The following ASIP variants were observed in gnomAD, a reference collection of about 807,000 sequenced individuals.
ASIP encodes agouti-signaling protein.
A neutral mutation model predicts 10.3 loss-of-function variants in ASIP; 11 were observed. The ratio of observed to expected loss-of-function variants is 1.07; its 90% CI spans 0.68 to 1.78. The LOEUF is 1.78. ASIP is among the 40% of genes most tolerant of loss of function. The pLI is 0.00. For missense variants in ASIP, 180 were observed against 169.2 expected (o/e 1.06, Z -0.35); for synonymous variants, 70 against 70.8 (o/e 0.99, Z 0.06).
rs36093428 is a variant in ASIP, at chr20:34,269,032, C to T, written c.264C>T (p.Pro88=). The change falls in exon 4 of 4, where the codon CCC becomes CCT. Residue 88 remains proline (P), a synonymous_variant. Transcript: ENST00000374954. ...AGAAAGTGGTGCGGCCCCGGACCCC[C>T]CTATCTGCGCCCTGCGTGGCCACCC... The part of the protein sequence containing the change: ...SMKKVVRPRT[P]LSAPCVATRN... 3.7e-6 allele frequency: 6 copies of T among 1,607,512 alleles called. No individual in the cohort carries two copies. Among genetic ancestry groups the T allele is most frequent in the African/African-American group, 2.7e-5 (2 of 74,918 alleles).
chr20:34,236,961 A>C (rs2035219170), upstream of ASIP, among the ~76,000 whole-genome samples: 1 of 152,044 alleles, frequency 6.6e-6, no homozygotes. Flanking sequence ...GTTGAAAAAA[A>C]CTCTTATTTC....
upstream of ASIP, among the ~76,000 whole-genome samples, chr20:34,239,044 AT>A (rs1267551480): frequency 1.3e-5 from 2 of 152,094 alleles, no homozygotes; most frequent in East Asian, 3.9e-4. Context: ...CTGGCTAATT[AT>A]TTCTAAGGGA....
At chr20:34,258,700 A>ATATATATATATACACACACACACATAC in intron 1 of ASIP, among the ~76,000 whole-genome samples, 1 of 77,922 alleles carries the variant, frequency 1.3e-5, no homozygotes, top group East Asian at 5.2e-4. Flanking sequence ...TACATACTAT[A>ATATATATATATACACACACACACATAC]TATATATATT....
chr20:34,242,296 G>C (rs2035296457), intron 1 of ASIP, among the ~76,000 whole-genome samples: 1 of 152,020 alleles, frequency 6.6e-6, no homozygotes, highest in African/African-American at 2.4e-5. Flanking sequence ...GCAATGGCAT[G>C]ATCTTGGCTC....
At chr20:34,199,944 A>C (rs2034882076) in intron 1 of ASIP, among the ~76,000 whole-genome samples, 1 of 152,184 alleles carries the variant, frequency 6.6e-6, no homozygotes. Context: ...AACTGTATCC[A>C]AGGCAAGAGC....
At chr20:34,268,358 G>A (rs2035824737) in intron 3 of ASIP, among the ~76,000 whole-genome samples, 1 of 152,142 alleles carries the variant, frequency 6.6e-6, no homozygotes, top group African/African-American at 2.4e-5. Context: ...ACAGGGGTCG[G>A]AGAGGCAAGC....
intron 1 of ASIP, among the ~76,000 whole-genome samples, chr20:34,249,731 A>G (rs1257419807): frequency 6.6e-6 from 1 of 152,142 alleles, no homozygotes; most frequent in Non-Finnish European, 1.5e-5. Context: ...TCTTCCCTGC[A>G]CTGAAAGCCA....
intron 3 of ASIP, among the ~76,000 whole-genome samples, chr20:34,266,825 C>T (rs1472684623): frequency 6.6e-6 from 1 of 152,210 alleles, no homozygotes; most frequent in Non-Finnish European, 1.5e-5. Context: ...TTAACATTCA[C>T]GTACCACCTA....
At chr20:34,258,696 CT>C (rs55869463) in intron 1 of ASIP, among the ~76,000 whole-genome samples, 2 of 11,652 alleles carry the variant, frequency 1.7e-4, no homozygotes, top group Non-Finnish European at 4.6e-4. Context: ...TATATACATA[CT>C]ATATATATAT....
chr20:34,232,344 A>C (rs1044337130), intron 1 of ASIP, among the ~76,000 whole-genome samples: 5 of 152,162 alleles, frequency 3.3e-5, no homozygotes, highest in African/African-American at 9.7e-5. Flanking sequence ...TCTCAACAGC[A>C]TCCACCGTCA....
At chr20:34,231,866 A>G (rs768990037) in intron 1 of ASIP, among the ~76,000 whole-genome samples, 1 of 152,260 alleles carries the variant, frequency 6.6e-6, no homozygotes, top group Non-Finnish European at 1.5e-5. Context: ...TGGCAAGGAC[A>G]TTGAGTAATG....
chr20:34,194,014 G>T (rs567752465), upstream of ASIP, among the ~76,000 whole-genome samples: 1 of 152,222 alleles, frequency 6.6e-6, no homozygotes, highest in South Asian at 2.1e-4. Context: ...GAAGAAAAAA[G>T]AAAAACAGAT....
chr20:34,205,563 G>C (rs953588929), intron 1 of ASIP, among the ~76,000 whole-genome samples: 3 of 150,670 alleles, frequency 2.0e-5, no homozygotes, highest in Non-Finnish European at 4.4e-5. Flanking sequence ...CAGCGTGGAA[G>C]GGGACCCAAA....
intron 3 of ASIP, among the ~76,000 whole-genome samples, chr20:34,264,055 G>GA (rs566760726): frequency 2.0e-5 from 3 of 151,328 alleles, no homozygotes; most frequent in East Asian, 1.9e-4. Context: ...TTTAAAAAAT[G>GA]AAAAAAAAGT....
intron 1 of ASIP, among the ~76,000 whole-genome samples, chr20:34,213,128 T>C (rs916554327): frequency 4.6e-5 from 7 of 152,232 alleles, no homozygotes; most frequent in African/African-American, 1.7e-4. Context: ...GACCTAATGC[T>C]GCTATCATTA....
chr20:34,223,342 C>T (rs1488202306), intron 1 of ASIP, among the ~76,000 whole-genome samples: 1 of 148,352 alleles, frequency 6.7e-6, no homozygotes, highest in South Asian at 2.2e-4. Flanking sequence ...AGGTGAGGAG[C>T]GTCTCTGCCC....
chr20:34,189,485 G>T, the ASIP span, among the ~76,000 whole-genome samples: 2,161 of 151,776 alleles, frequency 0.014, 50 homozygotes, highest in African/African-American at 0.05. Context: ...CATGTGATCC[G>T]CCCACCTCGG....
intron 1 of ASIP, among the ~76,000 whole-genome samples, chr20:34,256,207 T>C (rs541920159): frequency 6.6e-6 from 1 of 152,224 alleles, no homozygotes; most frequent in Non-Finnish European, 1.5e-5. Flanking sequence ...GACACGTGAC[T>C]TGTGTAACCT....
At chr20:34,232,235 A>G (rs2035126601) in intron 1 of ASIP, among the ~76,000 whole-genome samples, 1 of 152,186 alleles carries the variant, frequency 6.6e-6, no homozygotes, top group Non-Finnish European at 1.5e-5. Flanking sequence ...TGCAAAGACA[A>G]TCCTGAGAAA....
Sources: gnomAD v4.1 joint callset for allele counts (sites outside exome capture counted in the v4.1 genomes callset) on GRCh38, gnomAD v4.1.1 for gene constraint, MANE v1.5 for transcripts, NCBI Gene and HGNC (gene_info 2026-07-23, HGNC 2026-07-21) for gene names.